CNTN4: variants seen among roughly 807,000 people sequenced by gnomAD.
The protein encoded by CNTN4 is contactin 4.
A neutral mutation model predicts 122.5 loss-of-function variants in CNTN4; 77 were observed. The observed-to-expected ratio is 0.63, with a 90% CI of 0.52 to 0.76. The LOEUF (loss-of-function observed/expected upper bound fraction) is 0.76, where lower values mean the gene tolerates loss of function less well. Among genes scored for constraint, CNTN4 ranks in the 30% least tolerant of loss-of-function variants. The probability of loss-of-function intolerance (pLI) is 0.00; values close to 1 mark genes in which losing one functional copy is unlikely to be tolerated. For synonymous variants in CNTN4, 512 were observed against 447.0 expected (o/e 1.15, Z -1.83); for missense variants, 1,256 against 1,259.1 (o/e 1.00, Z 0.04).
At chr3:2,230,129 A>G (rs759730157) in intron 2 of CNTN4, among the ~76,000 whole-genome samples, 20 of 152,192 alleles carry the variant, frequency 1.3e-4, no homozygotes, top group Non-Finnish European at 1.5e-4. Context: ...CTGTGACTTA[A>G]GATTGAACAA....
intron 13 of CNTN4, among the ~76,000 whole-genome samples, chr3:2,978,892 T>C (rs1693683981): frequency 6.6e-6 from 1 of 152,164 alleles, no homozygotes; most frequent in Non-Finnish European, 1.5e-5. Context: ...AGTTAGTCGC[T>C]CACCCCTTGC....
chr3:2,109,397 A>G (rs1054921008), intron 2 of CNTN4, among the ~76,000 whole-genome samples: 2 of 152,142 alleles, frequency 1.3e-5, no homozygotes, highest in East Asian at 1.9e-4. Context: ...TAAAAAAATC[A>G]TATGATTTGT....
intron 13 of CNTN4, among the ~76,000 whole-genome samples, chr3:2,975,606 TC>T (rs1693347212): frequency 6.6e-6 from 1 of 152,210 alleles, no homozygotes; most frequent in African/African-American, 2.4e-5. Flanking sequence ...CAGTTTTTCT[TC>T]TGGGTCTCTT....
intron 10 of CNTN4, among the ~76,000 whole-genome samples, chr3:2,889,121 T>A (rs1432437988): frequency 2.0e-5 from 3 of 152,204 alleles, no homozygotes; most frequent in East Asian, 3.9e-4. Context: ...TAACATTTTT[T>A]AAATCTTGAT....
In CNTN4 at chr3:2,527,738, T is replaced by C. The variant is rs192258219; in HGVS notation, c.-88-43678T>C. 8.5e-5 allele frequency among the ~76,000 whole-genome samples: 13 copies of C among 152,280 alleles called. No individual in the cohort carries two copies. The East Asian group carries it at 1.5e-3, about 18-fold the overall frequency. On this transcript the variant is annotated intron_variant, in intron 3 of 24. Coordinates refer to ENST00000418658, the MANE Select transcript of CNTN4 (RefSeq NM_175607.3). Reference sequence around the variant, plus strand: ...TTTAAATATAATTTTGTCCTCTTTGTGTCTTCTGAGAGCTAGTTGCCCCTA... The same window carrying C: ...TTTAAATATAATTTTGTCCTCTTTGCGTCTTCTGAGAGCTAGTTGCCCCTA...
intron 23 of CNTN4, among the ~76,000 whole-genome samples, chr3:3,050,885 C>T (rs1201972966): frequency 6.6e-6 from 1 of 151,894 alleles, no homozygotes; most frequent in African/African-American, 2.4e-5. Flanking sequence ...CTCAAGTTCT[C>T]ATCTTTGAAA....
intron 2 of CNTN4, among the ~76,000 whole-genome samples, chr3:2,104,292 G>A (rs1402240653): frequency 6.6e-6 from 1 of 151,952 alleles, no homozygotes; most frequent in Non-Finnish European, 1.5e-5. Context: ...AATGGGGTTG[G>A]AGGGCTGGAG....
chr3:3,015,280 C>T (rs1697638453), intron 14 of CNTN4, among the ~76,000 whole-genome samples: 1 of 150,516 alleles, frequency 6.6e-6, no homozygotes, highest in Non-Finnish European at 1.5e-5. Flanking sequence ...TGAAGGGTTT[C>T]AGGAAAAAGT....
At chr3:2,713,725 C>T (rs1333100331) in intron 4 of CNTN4, among the ~76,000 whole-genome samples, 1 of 152,104 alleles carries the variant, frequency 6.6e-6, no homozygotes, top group Non-Finnish European at 1.5e-5. Context: ...AATCAATAGG[C>T]TCACTTGTAA....
chr3:2,308,676 T>G (rs1407659717), intron 2 of CNTN4, among the ~76,000 whole-genome samples: 4 of 152,102 alleles, frequency 2.6e-5, no homozygotes, highest in South Asian at 2.1e-4. Flanking sequence ...TTATTTATTT[T>G]CCACATATTT....
intron 3 of CNTN4, among the ~76,000 whole-genome samples, chr3:2,403,952 A>G (rs1406924082): frequency 6.6e-6 from 1 of 152,224 alleles, no homozygotes; most frequent in Admixed American, 6.5e-5. Context: ...ATGGAACTAC[A>G]TAGTGGACCC....
At chr3:2,182,607 A>G (rs527875301) in intron 2 of CNTN4, among the ~76,000 whole-genome samples, 1 of 152,272 alleles carries the variant, frequency 6.6e-6, no homozygotes, top group Non-Finnish European at 1.5e-5. Context: ...CTTATTGTAT[A>G]TGTTATGAAT....
intron 23 of CNTN4, among the ~76,000 whole-genome samples, chr3:3,048,286 C>T (rs964595051): frequency 6.6e-6 from 1 of 151,998 alleles, no homozygotes; most frequent in Admixed American, 6.6e-5. Flanking sequence ...AAAAACAATA[C>T]AGTATAACAA....
At chr3:2,400,428 C>CACATATATATATAT (rs1553640929) in intron 3 of CNTN4, among the ~76,000 whole-genome samples, 2 of 95,822 alleles carry the variant, frequency 2.1e-5, no homozygotes, top group Non-Finnish European at 4.4e-5. Flanking sequence ...TATATATATA[C>CACATATATATATAT]ATATATATAT....
intron 3 of CNTN4, among the ~76,000 whole-genome samples, chr3:2,477,864 G>A (rs2075875659): frequency 6.6e-6 from 1 of 152,170 alleles, no homozygotes; most frequent in African/African-American, 2.4e-5. Context: ...AAGCAAGAAG[G>A]CAGTAAGCTC....
At chr3:2,775,822 G>A (rs987311505) in intron 6 of CNTN4, among the ~76,000 whole-genome samples, 1 of 152,094 alleles carries the variant, frequency 6.6e-6, no homozygotes, top group Non-Finnish European at 1.5e-5. Context: ...GCTATTGTCT[G>A]TCTTCTTCAC....
chr3:2,799,954 T>C (rs1418436483), intron 6 of CNTN4, among the ~76,000 whole-genome samples: 1 of 152,124 alleles, frequency 6.6e-6, no homozygotes, highest in Non-Finnish European at 1.5e-5. Flanking sequence ...GGTATGTGGC[T>C]TTAATTCTGG....
intron 2 of CNTN4, among the ~76,000 whole-genome samples, chr3:2,304,497 G>C (rs940571369): frequency 1.3e-5 from 2 of 152,060 alleles, no homozygotes; most frequent in Non-Finnish European, 2.9e-5. Flanking sequence ...TATGATTAAA[G>C]ACAGACCAAA....
intron 2 of CNTN4, among the ~76,000 whole-genome samples, chr3:2,177,150 A>G (rs1216422786): frequency 6.6e-6 from 1 of 152,162 alleles, no homozygotes; most frequent in Non-Finnish European, 1.5e-5. Context: ...CATGAAAACA[A>G]AAGTTTAAAG....
Sources: allele counts gnomAD v4.1 joint callset (sites outside exome capture counted in the v4.1 genomes callset), GRCh38; gene constraint gnomAD v4.1.1; transcripts MANE v1.5; gene names NCBI Gene and HGNC (gene_info 2026-07-23, HGNC 2026-07-21).